CNTN6: variants seen among roughly 807,000 people sequenced by gnomAD.
CNTN6 encodes contactin 6.
Under a neutral mutation model 122.8 loss-of-function variants are expected in CNTN6, and 137 were observed. The observed-to-expected ratio is 1.12, with a 90% CI of 0.97 to 1.29. The LOEUF (loss-of-function observed/expected upper bound fraction) is 1.29. CNTN6 is among the 50% of genes most tolerant of loss of function. The probability of loss-of-function intolerance (pLI) is 0.00; values close to 1 mark genes in which losing one functional copy is unlikely to be tolerated. For synonymous variants in CNTN6, 570 were observed against 426.0 expected, an observed-to-expected ratio of 1.34 and a Z score of -4.16; for missense variants, 1,634 against 1,223.4, an observed-to-expected ratio of 1.34 and a Z score of -5.01.
chr3:1,177,904 T>G (rs946307486), intron 2 of CNTN6, among the ~76,000 whole-genome samples: 1 of 151,300 alleles, frequency 6.6e-6, no homozygotes, highest in African/African-American at 2.4e-5. Flanking sequence ...TTCCATTTTT[T>G]TTTTTTTTTT....
intron 4 of CNTN6, among the ~76,000 whole-genome samples, chr3:1,235,865 C>T (rs908434619): frequency 1.4e-5 from 2 of 141,306 alleles, no homozygotes; most frequent in Non-Finnish European, 3.1e-5. Flanking sequence ...CTGCTGGGGG[C>T]GGGTGGGGCA....
intron 4 of CNTN6, among the ~76,000 whole-genome samples, chr3:1,245,957 T>C (rs1389055899): frequency 6.6e-6 from 1 of 151,840 alleles, no homozygotes; most frequent in Non-Finnish European, 1.5e-5. Context: ...TTTAAGAAAA[T>C]GTATGAATTT....
At chr3:1,309,319 G>T (rs1698867940) in intron 7 of CNTN6, among the ~76,000 whole-genome samples, 1 of 152,110 alleles carries the variant, frequency 6.6e-6, no homozygotes, top group Non-Finnish European at 1.5e-5. Flanking sequence ...TGAAAGATAT[G>T]ACTTCTGGGT....
intron 2 of CNTN6, among the ~76,000 whole-genome samples, chr3:1,164,917 T>A (rs1235672437): frequency 6.6e-6 from 1 of 152,170 alleles, no homozygotes; most frequent in Non-Finnish European, 1.5e-5. Context: ...TGAGTGGATT[T>A]TTTTGTGGCT....
intron 1 of CNTN6, among the ~76,000 whole-genome samples, chr3:1,144,435 T>G (rs898889666): frequency 6.6e-6 from 1 of 151,602 alleles, no homozygotes; most frequent in East Asian, 2.0e-4. Flanking sequence ...ATTAGCCAGG[T>G]GTAGTGGAGT....
At chr3:1,373,265 T>C (rs1156277071) in intron 14 of CNTN6, among the ~76,000 whole-genome samples, 1 of 152,050 alleles carries the variant, frequency 6.6e-6, no homozygotes, top group Non-Finnish European at 1.5e-5. Context: ...CAATCCAGAG[T>C]CAAATCCACA....
intron 12 of CNTN6, among the ~76,000 whole-genome samples, chr3:1,361,035 T>C (rs557188522): frequency 4.6e-5 from 7 of 152,232 alleles, no homozygotes; most frequent in Non-Finnish European, 7.4e-5. Flanking sequence ...CTTTAAGCCA[T>C]GCCATCTCTT....
intron 11 of CNTN6, among the ~76,000 whole-genome samples, chr3:1,334,384 T>A (rs34516540): frequency 0.24 from 37,043 of 151,606 alleles, 5,333 homozygotes; most frequent in African/African-American, 0.41. Flanking sequence ...TTATTTTTTT[T>A]TTTTTTTTGA....
At chr3:1,187,079 T>A (rs181923235) in intron 2 of CNTN6, among the ~76,000 whole-genome samples, 2 of 152,290 alleles carry the variant, frequency 1.3e-5, no homozygotes, top group African/African-American at 4.8e-5. Context: ...ACCTATTTTA[T>A]CCACATAGAA....
chr3:1,120,312 C>T (rs557146585), intron 1 of CNTN6, among the ~76,000 whole-genome samples: 1 of 152,022 alleles, frequency 6.6e-6, no homozygotes, highest in South Asian at 2.1e-4. Context: ...TTTTACATTC[C>T]TGCCAGCAAT....
chr3:1,275,870 C>T (rs1189525084), intron 4 of CNTN6, among the ~76,000 whole-genome samples: 3 of 152,128 alleles, frequency 2.0e-5, no homozygotes, highest in South Asian at 2.1e-4. Context: ...AAGCTTTGTT[C>T]GCTTGCCTGC....
intron 3 of CNTN6, among the ~76,000 whole-genome samples, chr3:1,227,392 G>A (rs1277206964): frequency 6.6e-6 from 1 of 152,130 alleles, no homozygotes; most frequent in Non-Finnish European, 1.5e-5. Context: ...AATTATGCTT[G>A]CCGCTTTCAA....
chr3:1,126,871 TCTGGAGAGTTAACACATTTCCCATTGGTG>T (rs2092180600), intron 1 of CNTN6, among the ~76,000 whole-genome samples: 2 of 151,940 alleles, frequency 1.3e-5, no homozygotes, highest in African/African-American at 4.8e-5. Flanking sequence ...AAGAAAGTCA[TCTGGAGAGTTAACACATTTCCCATTGGTG>T]CTGAATATTA....
At chr3:1,138,268 A>G (rs1169323155) in intron 1 of CNTN6, among the ~76,000 whole-genome samples, 1 of 152,138 alleles carries the variant, frequency 6.6e-6, no homozygotes, top group Non-Finnish European at 1.5e-5. Flanking sequence ...AACCTAAGTC[A>G]TGCCAGATTT....
chr3:1,292,482 C>T (rs1052246662), intron 5 of CNTN6, among the ~76,000 whole-genome samples: 1 of 152,070 alleles, frequency 6.6e-6, no homozygotes, highest in Non-Finnish European at 1.5e-5. Context: ...GTCGAAAACA[C>T]AGATCCCATG....
At position 1,329,714 on chromosome 3, in the gene CNTN6, G is replaced by A. The variant is rs1702022097; in HGVS notation, c.1214-71G>A. 6 of 1,313,764 alleles carry A rather than the reference G, an allele frequency of 4.6e-6. No individual in the cohort carries two copies. The South Asian group carries it at 7.5e-5, about 16-fold the overall frequency. 81.4% of individuals were successfully genotyped at this position (1,313,764 alleles called of 1,614,324 possible). A position where few individuals can be genotyped will look rare whatever the true frequency, so the allele number is the denominator to read the frequency against. On this transcript the variant is annotated intron_variant, in intron 10 of 22. Transcript: ENST00000446702. ...TAAATATTAGATTCTGTCTAGCATA[G>A]CAAGTCACCCCTGGAGTCACTACAT...
intron 4 of CNTN6, among the ~76,000 whole-genome samples, chr3:1,249,402 A>G (rs2094627537): frequency 6.6e-6 from 1 of 152,188 alleles, no homozygotes; most frequent in Non-Finnish European, 1.5e-5. Context: ...ATAAATGCAG[A>G]CTCACTTTTT....
At chr3:1,279,048 C>T (rs1037104019) in intron 5 of CNTN6, among the ~76,000 whole-genome samples, 1 of 152,204 alleles carries the variant, frequency 6.6e-6, no homozygotes, top group Non-Finnish European at 1.5e-5. Context: ...CCAACTAACA[C>T]TCCTCTTGGC....
intron 2 of CNTN6, among the ~76,000 whole-genome samples, chr3:1,187,156 A>G (rs2093639477): frequency 1.3e-5 from 2 of 152,112 alleles, no homozygotes; most frequent in Admixed American, 6.5e-5. Flanking sequence ...ATAAATTCCA[A>G]TGGTCGATTT....
Sources: allele counts gnomAD v4.1 joint callset (sites outside exome capture counted in the v4.1 genomes callset), GRCh38; gene constraint gnomAD v4.1.1; transcripts MANE v1.5; gene names NCBI Gene and HGNC (gene_info 2026-07-23, HGNC 2026-07-21).